The following KCNH7 variants were observed in gnomAD, a reference collection of about 807,000 sequenced individuals.
KCNH7 encodes potassium voltage-gated channel subfamily H member 7, also known as voltage-gated inwardly rectifying potassium channel KCNH7.
In KCNH7, 49 loss-of-function variants were observed where a neutral mutation model predicts 120.8. That is an observed-to-expected ratio of 0.41 (90% CI 0.32 to 0.51). The LOEUF is 0.51. KCNH7 is among the 20% of genes least tolerant of loss of function. The probability of loss-of-function intolerance (pLI) is 0.38; values close to 1 mark genes in which losing one functional copy is unlikely to be tolerated. For missense variants in KCNH7, 1,097 were observed against 1,446.6 expected, an observed-to-expected ratio of 0.76 and a Z score of 3.92; for synonymous variants, 547 against 516.1, an observed-to-expected ratio of 1.06 and a Z score of -0.81.
At chr2:162,772,969 G>A (rs1447596563) in intron 2 of KCNH7, among the ~76,000 whole-genome samples, 1 of 152,162 alleles carries the variant, frequency 6.6e-6, no homozygotes, top group Non-Finnish European at 1.5e-5. Flanking sequence ...TCTCCTTGAA[G>A]CTTTGCACCC....
rs1688024877 is a variant in KCNH7 at position 162,739,136 on chromosome 2, C to T, written c.307+97401G>A. 2.6e-5 allele frequency among the ~76,000 whole-genome samples: 4 copies of T among 152,080 alleles called. No homozygotes were observed. In the South Asian group the frequency reaches 8.3e-4, roughly 32 times the overall value. Reference sequence around the variant, plus strand: ...GAGCCTCAGATGCCCCCTGTGTGCCCCATATCTTATAAATGAGCTTCTGCC... The same window carrying T: ...GAGCCTCAGATGCCCCCTGTGTGCCTCATATCTTATAAATGAGCTTCTGCC... On this transcript the variant is annotated intron_variant, in intron 2 of 15. Transcript: ENST00000332142.
chr2:162,401,116 T>C (rs1687053230), intron 9 of KCNH7, among the ~76,000 whole-genome samples: 1 of 151,906 alleles, frequency 6.6e-6, no homozygotes, highest in Non-Finnish European at 1.5e-5. Context: ...TTGCAGTGCA[T>C]ACATAAGCTT....
intron 2 of KCNH7, among the ~76,000 whole-genome samples, chr2:162,733,047 C>T (rs12999724): frequency 0.021 from 3,246 of 152,282 alleles, 73 homozygotes; most frequent in East Asian, 0.11. Context: ...TCCTTTCAGA[C>T]CTGATATAAA....
intron 5 of KCNH7, 106 bp downstream of exon 5, chr2:162,512,548 C>T: frequency 3.3e-6 from 3 of 916,996 alleles, no homozygotes; most frequent in Admixed American, 2.2e-5. Flanking sequence ...TAGCTAAGGG[C>T]AGCATGAAGA....
At chr2:162,544,076 G>A (rs1351413675) in intron 2 of KCNH7, among the ~76,000 whole-genome samples, 4 of 152,118 alleles carry the variant, frequency 2.6e-5, no homozygotes, top group Admixed American at 6.6e-5. Flanking sequence ...GTAGGGGGAA[G>A]GCCCTTTTAT....
In KCNH7 at chr2:162,780,506, G is replaced by T. The variant is rs1454047451; in HGVS notation, c.307+56031C>A. On this transcript the variant is annotated intron_variant, in intron 2 of 15. Coordinates refer to ENST00000332142, the MANE Select transcript of KCNH7 (RefSeq NM_033272.4). ...CAATATCTAGAAACAGAATCCTTGA[G>T]TTCTAAGGGTAGGGGCAGAAAATAT... 2.0e-5 allele frequency among the ~76,000 whole-genome samples: 3 copies of T among 152,242 alleles called. No individual in the cohort carries two copies. The East Asian group carries it at 5.8e-4, about 29-fold the overall frequency.
In KCNH7 at chr2:162,571,074, G is replaced by T. The variant is rs548656191; in HGVS notation, c.308-33994C>A. 3.9e-3 allele frequency among the ~76,000 whole-genome samples: 598 copies of T among 151,898 alleles called. 10 individuals carry two copies. The highest frequency in any genetic ancestry group is 0.013 in the African/African-American group (557 of 41,420). On this transcript the variant is annotated intron_variant, in intron 2 of 15. Coordinates refer to ENST00000332142, the MANE Select transcript of KCNH7 (RefSeq NM_033272.4). ...AATTAGGCAGGAGAAGGAAATAAATGGTATTCAATTAGGAAAAGAGGAAGT... is the reference window on the plus strand; with the variant it reads ...AATTAGGCAGGAGAAGGAAATAAATTGTATTCAATTAGGAAAAGAGGAAGT...
chr2:162,837,708 T>C (rs1685712506), intron 1 of KCNH7, among the ~76,000 whole-genome samples: 1 of 152,234 alleles, frequency 6.6e-6, no homozygotes, highest in African/African-American at 2.4e-5. Context: ...AACAATTTAT[T>C]CCCTATATTT....
chr2:162,491,331 C>T (rs192893324), intron 6 of KCNH7, among the ~76,000 whole-genome samples: 43 of 152,294 alleles, frequency 2.8e-4, no homozygotes, highest in African/African-American at 9.4e-4. Flanking sequence ...CACAGCCCTG[C>T]GGATATGGGC....
chr2:162,540,338 C>T (rs186928457), intron 2 of KCNH7, among the ~76,000 whole-genome samples: 1 of 151,624 alleles, frequency 6.6e-6, no homozygotes, highest in Non-Finnish European at 1.5e-5. Context: ...GTGGAAAAGA[C>T]TGTTTAGGAG....
chr2:162,663,691 C>T (rs986213679), intron 2 of KCNH7, among the ~76,000 whole-genome samples: 1 of 151,780 alleles, frequency 6.6e-6, no homozygotes, highest in Non-Finnish European at 1.5e-5. Context: ...TCATCAAACC[C>T]TAATATTAGT....
intron 2 of KCNH7, among the ~76,000 whole-genome samples, chr2:162,692,053 A>T (rs1381190243): frequency 6.6e-6 from 1 of 151,916 alleles, no homozygotes; most frequent in Non-Finnish European, 1.5e-5. Context: ...GATAACCTGC[A>T]TCTATTTATC....
chr2:162,415,320 A>G (rs1198061558), intron 9 of KCNH7, among the ~76,000 whole-genome samples: 1 of 152,126 alleles, frequency 6.6e-6, no homozygotes, highest in Non-Finnish European at 1.5e-5. Context: ...AGATTGACAT[A>G]TCTATGAAAT....
At chr2:162,514,647 T>G (rs1320829021) in intron 4 of KCNH7, among the ~76,000 whole-genome samples, 2 of 151,694 alleles carry the variant, frequency 1.3e-5, no homozygotes, top group African/African-American at 4.8e-5. Flanking sequence ...AATAAAACAA[T>G]TGGGGTTTAT....
At chr2:162,415,030 C>T (rs1206606090) in intron 9 of KCNH7, among the ~76,000 whole-genome samples, 1 of 152,124 alleles carries the variant, frequency 6.6e-6, no homozygotes, top group African/African-American at 2.4e-5. Flanking sequence ...TACCATAAAT[C>T]ATGCCGTATA....
chr2:162,678,925 T>C (rs946288112), intron 2 of KCNH7, among the ~76,000 whole-genome samples: 1 of 151,628 alleles, frequency 6.6e-6, no homozygotes, highest in Non-Finnish European at 1.5e-5. Flanking sequence ...ATACCTAAAA[T>C]TGACCAAAGA....
intron 5 of KCNH7, among the ~76,000 whole-genome samples, chr2:162,506,878 T>G (rs1316122064): frequency 6.6e-6 from 1 of 151,842 alleles, no homozygotes; most frequent in African/African-American, 2.4e-5. Flanking sequence ...CATTTTTTGT[T>G]GTCACAATTA....
Position 162,379,984 on chromosome 2 carries a change from T to C in KCNH7, c.3000A>G (p.Ala1000=). The C allele has an allele frequency of 6.2e-7, 1 of 1,614,044 alleles. No individual in the cohort carries two copies. The highest frequency in any genetic ancestry group is 8.5e-7 in the Non-Finnish European group (1 of 1,179,938). Residue 1000 remains alanine (A), a synonymous_variant, in exon 14 of 16, where the codon GCA becomes GCG. Transcript: ENST00000332142. The stretch of plus-strand genomic sequence containing the variant: ...GACTGGAGTCTTCAGGCTGGGGATG[T>C]GCATTTTCTCGTTCCCAGCTTCGCA... ...TDMRSWEREN[A]HPQPEDSSPS...
intron 2 of KCNH7, among the ~76,000 whole-genome samples, chr2:162,575,909 G>GTT (rs1259205417): frequency 6.6e-6 from 1 of 152,018 alleles, no homozygotes; most frequent in Non-Finnish European, 1.5e-5. Flanking sequence ...AAACCAAACA[G>GTT]TTTATTATTT....
Sources: gnomAD v4.1 joint callset for allele counts (sites outside exome capture counted in the v4.1 genomes callset) on GRCh38, gnomAD v4.1.1 for gene constraint, MANE v1.5 for transcripts, NCBI Gene and HGNC (gene_info 2026-07-23, HGNC 2026-07-21) for gene names.